Variants in CENATAC observed in about 807,000 individuals in gnomAD.
CENATAC encodes the protein coiled-coil domain containing 84.
A neutral mutation model predicts 53.7 loss-of-function variants in CENATAC; 53 were observed. The observed-to-expected ratio is 0.99, with a 90% CI of 0.79 to 1.24. The LOEUF (loss-of-function observed/expected upper bound fraction) is 1.24. Among genes scored for constraint, CENATAC ranks in the 50% most tolerant of loss-of-function variants. The probability of loss-of-function intolerance (pLI) is 0.00; values close to 1 mark genes in which losing one functional copy is unlikely to be tolerated. For synonymous variants in CENATAC, 156 were observed against 144.6 expected, an observed-to-expected ratio of 1.08 and a Z score of -0.57; for missense variants, 474 against 417.8, an observed-to-expected ratio of 1.13 and a Z score of -1.17.
At chr11:118,999,452 CTATTT>C (rs1218520429) in intron 3 of CENATAC, among the ~76,000 whole-genome samples, 3 of 151,882 alleles carry the variant, frequency 2.0e-5, no homozygotes, top group East Asian at 1.9e-4. Flanking sequence ...GTTTTGGACT[CTATTT>C]TATTTTATCT....
intron 3 of CENATAC, among the ~76,000 whole-genome samples, chr11:119,004,018 T>A (rs1942455464): frequency 1.3e-5 from 2 of 152,226 alleles, no homozygotes; most frequent in East Asian, 1.9e-4. Flanking sequence ...TAAAAAGCAG[T>A]ACTTAGCAAG....
intron 1 of CENATAC, 28 bp from the exon 2 acceptor site, chr11:118,998,402 G>T: frequency 6.2e-7 from 1 of 1,612,466 alleles, no homozygotes; most frequent in Non-Finnish European, 8.5e-7. Flanking sequence ...GGTCCCCCTC[G>T]GGGTTCTACT....
intron 3 of CENATAC, among the ~76,000 whole-genome samples, chr11:119,002,584 T>A (rs181645209): frequency 1.7e-4 from 26 of 152,078 alleles, no homozygotes; most frequent in Admixed American, 4.6e-4. Flanking sequence ...GTGATCCACC[T>A]GACTCGGCTT....
chr11:119,010,252 G>GA (rs1172387889), intron 3 of CENATAC: 2 of 154,814 alleles, frequency 1.3e-5, no homozygotes, highest in African/African-American at 4.8e-5. Context: ...CAGACTAGGG[G>GA]AAGACTAGAG....
intron 7 of CENATAC, chr11:119,012,889 C>T (rs1942938736): frequency 4.1e-6 from 1 of 243,036 alleles, no homozygotes. Flanking sequence ...GTGGATGTAG[C>T]ACCATGTAAA....
intron 3 of CENATAC, among the ~76,000 whole-genome samples, chr11:119,000,408 A>G (rs75926193): frequency 0.014 from 2,084 of 151,666 alleles, 22 homozygotes; most frequent in Non-Finnish European, 0.02. Context: ...GCCTCCTGGC[A>G]TAGGTGCAGT....
rs1448052772 is a variant in CENATAC at position 119,015,658 on chromosome 11, C to T, written c.*60C>T. Reference sequence around the variant, plus strand: ...CAAAGTCAACAAACCCCTATTATACCTTCCACCAAATTCTTTATCATTGTC... The same window carrying T: ...CAAAGTCAACAAACCCCTATTATACTTTCCACCAAATTCTTTATCATTGTC... On this transcript the variant is annotated 3_prime_UTR_variant, in exon 11 of 11. Transcript: ENST00000334418. The T allele has an allele frequency of 5.3e-6, 8 of 1,514,588 alleles. No individual in the cohort carries two copies. Among genetic ancestry groups the T allele is most frequent in the Non-Finnish European group, 7.3e-6 (8 of 1,093,914 alleles). 93.8% of individuals were successfully genotyped at this position (1,514,588 alleles called of 1,614,324 possible). A position where few individuals can be genotyped will look rare whatever the true frequency, so the allele number is the denominator to read the frequency against.
chr11:119,011,074 G>A (rs965715594), intron 4 of CENATAC, 147 bp from the exon 5 acceptor site: 6 of 681,594 alleles, frequency 8.8e-6, no homozygotes, highest in Admixed American at 2.8e-5. Context: ...GAGCTCAGGC[G>A]GCAGTGCTGT....
chr11:119,009,914 G>C (rs1255890906), intron 3 of CENATAC: 1 of 152,234 alleles, frequency 6.6e-6, no homozygotes, highest in Non-Finnish European at 1.5e-5. Context: ...GGGAGGCCAA[G>C]GCAGGAGAAT....
chr11:119,012,038 G>C, intron 6 of CENATAC, 35 bp downstream of exon 6: 2 of 1,613,678 alleles, frequency 1.2e-6, no homozygotes, highest in Non-Finnish European at 1.7e-6. Flanking sequence ...TTGGGAATTT[G>C]ACATCTTAGA....
Position 119,013,462 on chromosome 11 carries a change from ATTT to A in CENATAC, c.715+217_715+219del, listed in dbSNP as rs34471457. ...AGGTGTGCACCACCACACCCAGCTA[ATTT>A]TTTTTTTTTTTTTTTTGAGACGGAG... On this transcript the variant is annotated intron_variant, in intron 8 of 10. Coordinates refer to ENST00000334418, the MANE Select transcript of CENATAC (RefSeq NM_198489.3). Among the ~76,000 whole-genome samples the A allele has an allele frequency of 2.3e-3, 297 of 126,630 alleles. 3 individuals are homozygous for A. In the South Asian group the frequency reaches 0.025, roughly 11 times the overall value. The allele number at this position is 126,630 out of a possible 152,430, so 83.1% of individuals were successfully genotyped here.
chr11:119,015,269 C>T (rs781902078), intron 9 of CENATAC, 38 bp from the exon 10 acceptor site: 2 of 1,568,490 alleles, frequency 1.3e-6, no homozygotes, highest in Admixed American at 3.8e-5. Context: ...CTATATTCTT[C>T]AATAAAGAAA....
At chr11:119,008,815 T>C (rs1424978737) in intron 3 of CENATAC, among the ~76,000 whole-genome samples, 2 of 152,186 alleles carry the variant, frequency 1.3e-5, no homozygotes, top group Admixed American at 1.3e-4. Context: ...CCACAGTGCA[T>C]TGTGCCCCTG....
At chr11:119,010,089 G>C (rs1185440418) in intron 3 of CENATAC, 1 of 152,370 alleles carries the variant, frequency 6.6e-6, no homozygotes, top group East Asian at 1.9e-4. Flanking sequence ...CTTGAGCAGA[G>C]GTTGCAGCGA....
intron 3 of CENATAC, chr11:119,001,820 G>A (rs1942312724): frequency 1.6e-5 from 6 of 373,088 alleles, no homozygotes; most frequent in South Asian, 1.0e-4. Context: ...TACTCAGGAG[G>A]CTGAGGTAAG....
At chr11:119,002,419 A>C (rs1166534015) in intron 3 of CENATAC, among the ~76,000 whole-genome samples, 2 of 150,838 alleles carry the variant, frequency 1.3e-5, no homozygotes, top group African/African-American at 4.9e-5. Flanking sequence ...GCTCACTGCA[A>C]CCTCCACCTC....
rs1240129436 is a variant in CENATAC, at chr11:119,015,332, C to A, written c.831C>A (p.Leu277=). 1.2e-6 allele frequency: 2 copies of A among 1,612,678 alleles called. No homozygotes were observed. Residue 277 remains leucine (L), a synonymous_variant, in exon 10 of 11, where the codon CTC becomes CTA. Transcript: ENST00000334418. The part of the protein sequence containing the change: ...KEKEKQKLKK[L]PPDRVGANFD... ...AGGAAAAACAGAAGTTGAAAAAACT[C>A]CCCCCAGACCGAGTTGGGGCCAACT...
In CENATAC at chr11:119,012,162, A is replaced by G; in HGVS notation, c.592A>G (p.Ser198Gly). The G allele has an allele frequency of 6.2e-7, 1 of 1,614,214 alleles. No homozygotes were observed. Among genetic ancestry groups the G allele is most frequent in the Admixed American group, 1.7e-5 (1 of 60,030 alleles). ...CATGTTTTTCAGCCAAGTAGCTTCC[A>G]GCTTACAGCAGCCCTCAAATTTGGA... Reference protein sequence around the residue: ...WKGMNSQVASSLQQPSNLDLP... With the variant: ...WKGMNSQVASGLQQPSNLDLP... The change falls in exon 7 of 11, where the codon AGC becomes GGC. Residue 198 changes from serine to glycine, a missense_variant. Ser to Gly is a moderately conservative substitution (Grantham distance 56). Transcript: ENST00000334418.
chr11:119,014,088 T>C (rs1475298758), intron 8 of CENATAC: 5 of 152,234 alleles, frequency 3.3e-5, no homozygotes, highest in South Asian at 2.1e-4. Context: ...CCTACCACAT[T>C]ATCCAACCGT....
Sources: allele counts gnomAD v4.1 joint callset (sites outside exome capture counted in the v4.1 genomes callset), GRCh38; gene constraint gnomAD v4.1.1; transcripts MANE v1.5; gene names NCBI Gene and HGNC (gene_info 2026-07-23, HGNC 2026-07-21).